The following CADM2 variants were observed in gnomAD, a reference collection of about 807,000 sequenced individuals.
CADM2 encodes cell adhesion molecule 2.
A neutral mutation model predicts 49.8 loss-of-function variants in CADM2; 12 were observed. The observed-to-expected ratio is 0.24, with a 90% CI of 0.15 to 0.39. The LOEUF is 0.39. Ranked by LOEUF, CADM2 falls within the 10% of genes least tolerant of loss-of-function variation. The probability of loss-of-function intolerance (pLI) is 1.00; values close to 1 mark genes in which losing one functional copy is unlikely to be tolerated. For synonymous variants in CADM2, 214 were observed against 175.4 expected (o/e 1.22, Z -1.74); for missense variants, 378 against 492.3 (o/e 0.77, Z 2.20).
chr3:84,962,286 A>C (rs1226811678), intron 1 of CADM2, among the ~76,000 whole-genome samples: 1 of 151,702 alleles, frequency 6.6e-6, no homozygotes, highest in African/African-American at 2.4e-5. Flanking sequence ...AAAAAAAAAA[A>C]AGAAAGAAAG....
At chr3:85,558,293 T>A (rs1042898229) in intron 1 of CADM2, among the ~76,000 whole-genome samples, 2 of 151,988 alleles carry the variant, frequency 1.3e-5, no homozygotes, top group Non-Finnish European at 2.9e-5. Context: ...CCATCTAAAT[T>A]TTGTACCTAA....
intron 1 of CADM2, among the ~76,000 whole-genome samples, chr3:85,164,923 A>C (rs2040429307): frequency 6.6e-6 from 1 of 151,854 alleles, no homozygotes; most frequent in Admixed American, 6.6e-5. Context: ...TTTGAATATT[A>C]AAGGTATTCT....
intron 3 of CADM2, among the ~76,000 whole-genome samples, chr3:85,855,822 T>A (rs1461891524): frequency 1.3e-5 from 2 of 151,574 alleles, no homozygotes. Flanking sequence ...GAGACGGGGT[T>A]TCACTGTGTT....
intron 1 of CADM2, among the ~76,000 whole-genome samples, chr3:84,974,855 T>A (rs1358651365): frequency 6.6e-6 from 1 of 151,946 alleles, no homozygotes; most frequent in Non-Finnish European, 1.5e-5. Context: ...TTTTAAAACC[T>A]CATAGTTGGC....
At chr3:85,835,712 G>A (rs961583961) in intron 3 of CADM2, among the ~76,000 whole-genome samples, 2 of 147,342 alleles carry the variant, frequency 1.4e-5, no homozygotes, top group East Asian at 4.0e-4. Flanking sequence ...ATATATGTAT[G>A]TGTATGTGTA....
chr3:85,854,505 A>C (rs2108300945), intron 3 of CADM2, among the ~76,000 whole-genome samples: 1 of 152,246 alleles, frequency 6.6e-6, no homozygotes, highest in Non-Finnish European at 1.5e-5. Flanking sequence ...TGGAAACCAT[A>C]ATTCTCAGCA....
intron 1 of CADM2, among the ~76,000 whole-genome samples, chr3:85,672,028 G>T (rs2065752859): frequency 6.6e-6 from 1 of 152,086 alleles, no homozygotes; most frequent in Non-Finnish European, 1.5e-5. Flanking sequence ...TATAGTATCT[G>T]TCATAGGGTA....
chr3:85,461,895 A>G (rs886553547), intron 1 of CADM2, among the ~76,000 whole-genome samples: 10 of 152,208 alleles, frequency 6.6e-5, no homozygotes, highest in Admixed American at 4.6e-4. Flanking sequence ...AAAGTTGGAC[A>G]TTATAGTCTC....
intron 1 of CADM2, among the ~76,000 whole-genome samples, chr3:84,987,016 C>T (rs1441490267): frequency 6.6e-6 from 1 of 151,314 alleles, no homozygotes; most frequent in Non-Finnish European, 1.5e-5. Flanking sequence ...CGCATCATTG[C>T]ACTCCAGCCT....
At chr3:85,234,849 G>A (rs1485086501) in intron 1 of CADM2, among the ~76,000 whole-genome samples, 1 of 152,062 alleles carries the variant, frequency 6.6e-6, no homozygotes, top group Non-Finnish European at 1.5e-5. Flanking sequence ...TGGAGAGTGA[G>A]GTCTTCTGTA....
At chr3:85,227,452 CTTTTTT>C (rs143104896) in intron 1 of CADM2, among the ~76,000 whole-genome samples, 1 of 120,846 alleles carries the variant, frequency 8.3e-6, no homozygotes, top group African/African-American at 3.2e-5. Flanking sequence ...GCAACCCCTG[CTTTTTT>C]TTTTTTTTTT....
At chr3:85,491,647 T>C (rs945107554) in intron 1 of CADM2, among the ~76,000 whole-genome samples, 2 of 152,052 alleles carry the variant, frequency 1.3e-5, no homozygotes, top group African/African-American at 4.8e-5. Flanking sequence ...TCTACCCCTC[T>C]AGTCACTTAA....
intron 1 of CADM2, among the ~76,000 whole-genome samples, chr3:85,427,992 GC>G (rs920975384): frequency 1.3e-5 from 2 of 151,834 alleles, no homozygotes; most frequent in Admixed American, 1.3e-4. Context: ...CTCAGGGATG[GC>G]TTTTGCATTA....
chr3:85,704,527 G>A (rs188062698), intron 1 of CADM2, among the ~76,000 whole-genome samples: 2 of 152,182 alleles, frequency 1.3e-5, no homozygotes, highest in Admixed American at 1.3e-4. Flanking sequence ...ATGGCACAGA[G>A]AAGACATAGA....
Position 86,069,037 on chromosome 3 carries a change from A to G in CADM2, c.*2254A>G, listed in dbSNP as rs1739613989. ...GTTAGTACAAAATGGAAAGGTTCTT[A>G]TTACAGAAGTAAGTTGTACAAACTG... On this transcript the variant is annotated 3_prime_UTR_variant, in exon 10 of 10. Transcript: ENST00000383699. The G allele has an allele frequency of 6.6e-6, 1 of 151,976 alleles. No individual in the cohort carries two copies. Among genetic ancestry groups the G allele is most frequent in the South Asian group, 2.1e-4 (1 of 4,826 alleles). 9.4% of individuals were successfully genotyped at this position (151,976 alleles called of 1,614,324 possible). A position where few individuals can be genotyped will look rare whatever the true frequency, so the allele number is the denominator to read the frequency against.
At chr3:86,064,812 A>T (rs187910447) in intron 8 of CADM2, among the ~76,000 whole-genome samples, 242 of 152,306 alleles carry the variant, frequency 1.6e-3, no homozygotes, top group Non-Finnish European at 2.2e-3. Flanking sequence ...AAATCCTAGT[A>T]AATGCAGAAC....
intron 2 of CADM2, among the ~76,000 whole-genome samples, chr3:85,757,289 A>G (rs991285979): frequency 6.6e-6 from 1 of 152,136 alleles, no homozygotes; most frequent in Non-Finnish European, 1.5e-5. Flanking sequence ...GCTTTAACTT[A>G]TTTAACATTC....
intron 2 of CADM2, among the ~76,000 whole-genome samples, chr3:85,771,282 A>G (rs1201930431): frequency 6.6e-6 from 1 of 152,096 alleles, no homozygotes; most frequent in Non-Finnish European, 1.5e-5. Context: ...CAATTCACAA[A>G]TCAATCCATA....
chr3:85,624,128 C>T (rs1480068493), intron 1 of CADM2, among the ~76,000 whole-genome samples: 1 of 151,780 alleles, frequency 6.6e-6, no homozygotes, highest in Non-Finnish European at 1.5e-5. Context: ...TTCATATAAC[C>T]ATATAGAGAA....
Sources: allele counts gnomAD v4.1 joint callset (sites outside exome capture counted in the v4.1 genomes callset), GRCh38; gene constraint gnomAD v4.1.1; transcripts MANE v1.5; gene names NCBI Gene and HGNC (gene_info 2026-07-23, HGNC 2026-07-21).